Variants in CCDC171 observed in about 807,000 individuals in gnomAD.
CCDC171 encodes coiled-coil domain containing 171, also known as coiled-coil domain-containing protein 171.
A neutral mutation model predicts 168.2 loss-of-function variants in CCDC171; 177 were observed. That is an observed-to-expected ratio of 1.05 (90% confidence interval 0.93 to 1.19). The LOEUF is 1.19. Ranked by LOEUF, CCDC171 falls within the 50% of genes most tolerant of loss-of-function variation. The pLI is 0.00. For missense variants in CCDC171, 1,991 were observed against 1,539.0 expected, an observed-to-expected ratio of 1.29 and a Z score of -4.91; for synonymous variants, 687 against 540.8, an observed-to-expected ratio of 1.27 and a Z score of -3.75.
intron 18 of CCDC171, among the ~76,000 whole-genome samples, chr9:15,749,888 A>T (rs921706894): frequency 2.0e-5 from 3 of 152,120 alleles, no homozygotes; most frequent in African/African-American, 7.2e-5. Flanking sequence ...CAAAATCAAC[A>T]CCCTAACATC....
At chr9:15,905,553 G>A (rs1822445886) in intron 24 of CCDC171, among the ~76,000 whole-genome samples, 1 of 152,004 alleles carries the variant, frequency 6.6e-6, no homozygotes, top group Non-Finnish European at 1.5e-5. Context: ...AGCATTAAAT[G>A]CCCACAAGAG....
intron 20 of CCDC171, among the ~76,000 whole-genome samples, chr9:15,780,375 C>T (rs1215828292): frequency 6.6e-6 from 1 of 151,278 alleles, no homozygotes; most frequent in African/African-American, 2.4e-5. Flanking sequence ...AGTAAAAATA[C>T]AAGAAAGTAT....
the CCDC171 span, among the ~76,000 whole-genome samples, chr9:16,097,514 A>G: frequency 6.1e-4 from 93 of 152,344 alleles, no homozygotes; most frequent in African/African-American, 2.2e-3. Flanking sequence ...GAAATTAAGT[A>G]CTGAAGCTTG....
intron 3 of CCDC171, among the ~76,000 whole-genome samples, chr9:16,008,454 T>C (rs770049998): frequency 4.6e-5 from 7 of 152,212 alleles, no homozygotes; most frequent in Non-Finnish European, 8.8e-5. Flanking sequence ...TTTAATCTCA[T>C]CTAATATAGT....
chr9:15,590,834 T>TTTCTTTCTTTCC (rs2041954946), intron 4 of CCDC171, among the ~76,000 whole-genome samples: 1 of 90,704 alleles, frequency 1.1e-5, no homozygotes, highest in Admixed American at 1.3e-4. Context: ...TCTTTCTTTC[T>TTTCTTTCTTTCC]TCTTCTTTCT....
chr9:15,589,167 A>G (rs413356), intron 4 of CCDC171, among the ~76,000 whole-genome samples: 8,318 of 152,240 alleles, frequency 0.055, 276 homozygotes, highest in African/African-American at 0.089. Flanking sequence ...GGCTTCCAGG[A>G]GGAGAGATTC....
intron 25 of CCDC171, among the ~76,000 whole-genome samples, chr9:15,955,654 C>T (rs1055180908): frequency 1.9e-4 from 29 of 152,130 alleles, no homozygotes; most frequent in African/African-American, 6.0e-4. Context: ...CAATAGACTC[C>T]AGAATTCCAA....
At chr9:15,990,573 C>A (rs1351664371) in intron 3 of CCDC171, among the ~76,000 whole-genome samples, 1 of 152,112 alleles carries the variant, frequency 6.6e-6, no homozygotes, top group Non-Finnish European at 1.5e-5. Context: ...TCACACATAA[C>A]AATATTAACC....
intron 3 of CCDC171, among the ~76,000 whole-genome samples, chr9:15,577,793 A>G (rs1057430336): frequency 1.3e-5 from 2 of 152,226 alleles, no homozygotes; most frequent in South Asian, 2.1e-4. Flanking sequence ...AGCAAGGCCC[A>G]TGGAAGGAGG....
intron 24 of CCDC171, among the ~76,000 whole-genome samples, chr9:15,915,081 G>A (rs1326823098): frequency 7.7e-6 from 1 of 130,188 alleles, no homozygotes; most frequent in Non-Finnish European, 1.7e-5. Context: ...GACTGGAGCT[G>A]TTCCTATTCA....
intron 2 of CCDC171, among the ~76,000 whole-genome samples, chr9:15,567,714 G>A (rs1398961404): frequency 6.6e-6 from 1 of 151,788 alleles, no homozygotes; most frequent in Non-Finnish European, 1.5e-5. Flanking sequence ...GAGTACAGTG[G>A]CATGATCTTA....
chr9:15,749,967 T>A (rs200310147), intron 18 of CCDC171, among the ~76,000 whole-genome samples: 87 of 149,272 alleles, frequency 5.8e-4, no homozygotes, highest in African/African-American at 2.1e-3. Flanking sequence ...GAAATGACTA[T>A]GATCAGAGCA....
At chr9:15,655,181 A>T (rs1228793332) in intron 7 of CCDC171, among the ~76,000 whole-genome samples, 2 of 940 alleles carry the variant, frequency 2.1e-3, no homozygotes, top group Non-Finnish European at 9.9e-3. Context: ...TTAAAGTATA[A>T]AAAAAAAAAA....
intron 11 of CCDC171, among the ~76,000 whole-genome samples, chr9:15,716,130 T>C (rs556158121): frequency 7.4e-4 from 112 of 152,344 alleles, no homozygotes; most frequent in Non-Finnish European, 1.5e-3. Context: ...ACCTCCATTC[T>C]ACTTTTTTTC....
chr9:16,097,238 G>C, the CCDC171 span, among the ~76,000 whole-genome samples: 1 of 149,462 alleles, frequency 6.7e-6, no homozygotes, highest in Non-Finnish European at 1.5e-5. Context: ...AATGCTTATG[G>C]CATGTGGGGA....
intron 21 of CCDC171, among the ~76,000 whole-genome samples, chr9:15,785,372 A>G (rs2057888808): frequency 6.6e-6 from 1 of 152,274 alleles, no homozygotes; most frequent in African/African-American, 2.4e-5. Context: ...TATAGCCACT[A>G]TATAGGATAT....
At chr9:16,087,001 C>G in the CCDC171 span, among the ~76,000 whole-genome samples, 12 of 152,310 alleles carry the variant, frequency 7.9e-5, no homozygotes, top group South Asian at 1.5e-3. Context: ...AGTAGTCTTT[C>G]AGGAGCAGGT....
At chr9:16,090,860 T>C in the CCDC171 span, among the ~76,000 whole-genome samples, 1 of 152,154 alleles carries the variant, frequency 6.6e-6, no homozygotes, top group African/African-American at 2.4e-5. Context: ...TGAAGAAAAA[T>C]AGCATTCCTT....
intron 3 of CCDC171, among the ~76,000 whole-genome samples, chr9:15,995,817 A>G (rs1288867677): frequency 6.6e-6 from 1 of 152,224 alleles, no homozygotes; most frequent in Non-Finnish European, 1.5e-5. Flanking sequence ...TCAGTTCATC[A>G]TGATCTTTGC....
Sources: gnomAD v4.1 joint callset for allele counts (sites outside exome capture counted in the v4.1 genomes callset) on GRCh38, gnomAD v4.1.1 for gene constraint, MANE v1.5 for transcripts, NCBI Gene and HGNC (gene_info 2026-07-23, HGNC 2026-07-21) for gene names.